P4HA1: variants seen among roughly 807,000 people sequenced by gnomAD.
P4HA1 encodes prolyl 4-hydroxylase subunit alpha-1.
P4HA1 carries 24 observed loss-of-function variants against 72.8 expected under a neutral mutation model. That is an observed-to-expected ratio of 0.33 (90% CI 0.24 to 0.46). The LOEUF (loss-of-function observed/expected upper bound fraction) is 0.46, where lower values mean the gene tolerates loss of function less well. P4HA1 is among the 20% of genes least tolerant of loss of function. The pLI is 1.00. For synonymous variants in P4HA1, 201 were observed against 218.8 expected, an observed-to-expected ratio of 0.92 and a Z score of 0.72; for missense variants, 446 against 640.6, an observed-to-expected ratio of 0.70 and a Z score of 3.28.
chr10:73,023,402 T>C (rs1221621873), intron 10 of P4HA1, among the ~76,000 whole-genome samples: 1 of 152,124 alleles, frequency 6.6e-6, no homozygotes, highest in Non-Finnish European at 1.5e-5. Flanking sequence ...AACTAAGCTT[T>C]CTAAATAAAG....
intron 8 of P4HA1, among the ~76,000 whole-genome samples, chr10:73,046,257 T>C (rs1466224515): frequency 6.6e-6 from 1 of 152,158 alleles, no homozygotes; most frequent in African/African-American, 2.4e-5. Flanking sequence ...ATGAAAGTGA[T>C]GGCAGCTTGT....
chr10:73,078,673 G>C (rs894929663), intron 1 of P4HA1, among the ~76,000 whole-genome samples: 1 of 138,448 alleles, frequency 7.2e-6, no homozygotes, highest in African/African-American at 2.8e-5. Flanking sequence ...GTGTAGTAGC[G>C]CAATCTCAGC....
At chr10:73,012,825 G>A (rs921216594) in intron 12 of P4HA1, among the ~76,000 whole-genome samples, 3 of 151,966 alleles carry the variant, frequency 2.0e-5, no homozygotes, top group South Asian at 4.1e-4. Context: ...ATGGAGCCAC[G>A]CTCCGTTATC....
rs76210425 is a variant in P4HA1 at position 73,088,191 on chromosome 10, C to G, written c.-33+8575G>C. ...TACAAACGTGTGCGACCAGACCCGG[C>G]CTACGAACCATTTTGAACTAATTTT... On this transcript the variant is annotated intron_variant, in intron 1 of 14. Transcript: ENST00000394890. 5.6e-3 allele frequency among the ~76,000 whole-genome samples: 851 copies of G among 152,280 alleles called. 4 individuals are homozygous for G. Among genetic ancestry groups the G allele is most frequent in the Non-Finnish European group, 8.2e-3 (555 of 68,026 alleles).
intron 7 of P4HA1, among the ~76,000 whole-genome samples, chr10:73,048,747 G>C (rs893303561): frequency 2.6e-5 from 4 of 152,082 alleles, no homozygotes; most frequent in African/African-American, 7.2e-5. Context: ...CAAAACTTGT[G>C]AATTTTTAGG....
chr10:73,037,560 TATA>T (rs1175730541), intron 9 of P4HA1, among the ~76,000 whole-genome samples: 54 of 36,460 alleles, frequency 1.5e-3, no homozygotes, highest in African/African-American at 3.2e-3. Flanking sequence ...TATATATATA[TATA>T]TATATATATT....
At chr10:73,088,424 C>T (rs1841965382) in intron 1 of P4HA1, among the ~76,000 whole-genome samples, 3 of 152,172 alleles carry the variant, frequency 2.0e-5, no homozygotes, top group African/African-American at 4.8e-5. Context: ...TATTCCCTCC[C>T]TTGGTACTGG....
intron 1 of P4HA1, among the ~76,000 whole-genome samples, chr10:73,085,142 TA>T (rs112144582): frequency 4.0e-4 from 59 of 149,214 alleles, no homozygotes; most frequent in South Asian, 8.5e-4. Context: ...CCATCTCATT[TA>T]AAAAAAAAAA....
In P4HA1 at chr10:73,068,903, G is replaced by C; in HGVS notation, c.406C>G (p.Arg136Gly). ...TCCAAATTGTAGGTATCCTGGAGAC[G>C]TAACAGAGCTTTGGCTGCCCCAACC... The part of the protein sequence containing the change: ...DQVGAAKALL[R>G]LQDTYNLDTD... Residue 136 changes from arginine (R) to glycine (G), a missense_variant, in exon 5 of 15, where the codon CGT becomes GGT. By Grantham distance (125) the Arg-to-Gly change is moderately radical. Coordinates refer to ENST00000394890, the MANE Select transcript of P4HA1 (RefSeq NM_001017962.3). The C allele has an allele frequency of 6.2e-7, 1 of 1,611,464 alleles. No individual in the cohort carries two copies. Among genetic ancestry groups the C allele is most frequent in the Non-Finnish European group, 8.5e-7 (1 of 1,177,732 alleles).
intron 1 of P4HA1, among the ~76,000 whole-genome samples, chr10:73,081,431 T>C (rs1283510603): frequency 6.6e-6 from 1 of 152,156 alleles, no homozygotes; most frequent in East Asian, 1.9e-4. Context: ...ACTTATAATG[T>C]TTGGTAGCAT....
intron 1 of P4HA1, among the ~76,000 whole-genome samples, chr10:73,075,425 T>C (rs1486883494): frequency 6.6e-6 from 1 of 152,074 alleles, no homozygotes; most frequent in Non-Finnish European, 1.5e-5. Context: ...AAAATGTATG[T>C]TTGTTATCAC....
rs1839830504 is a variant in P4HA1, at chr10:73,007,992, C to T, written c.*230G>A. On this transcript the variant is annotated 3_prime_UTR_variant, in exon 15 of 15. Transcript: ENST00000394890. The stretch of plus-strand genomic sequence containing the variant: ...CTCACTTTAAACTCTGCCTTGTCTT[C>T]TGTGATACCAACAGAACTTTAAGGT... 1 of 268,220 alleles carries T rather than the reference C, an allele frequency of 3.7e-6. No homozygotes were observed. Among genetic ancestry groups the T allele is most frequent in the African/African-American group, 7.7e-5 (1 of 13,038 alleles). 16.6% of individuals were successfully genotyped at this position (268,220 alleles called of 1,614,324 possible). A position where few individuals can be genotyped will look rare whatever the true frequency, so the allele number is the denominator to read the frequency against.
At chr10:73,084,889 C>T (rs1412439193) in intron 1 of P4HA1, among the ~76,000 whole-genome samples, 1 of 152,130 alleles carries the variant, frequency 6.6e-6, no homozygotes, top group African/African-American at 2.4e-5. Context: ...GGTGCAATCC[C>T]AGCACTTTGG....
At chr10:73,033,604 A>C (rs1049483834) in intron 9 of P4HA1, among the ~76,000 whole-genome samples, 3 of 152,070 alleles carry the variant, frequency 2.0e-5, no homozygotes, top group Non-Finnish European at 4.4e-5. Flanking sequence ...CTTTCACTTT[A>C]CTCCTTTAAA....
intron 6 of P4HA1, among the ~76,000 whole-genome samples, chr10:73,052,805 G>C (rs1298224627): frequency 6.6e-6 from 1 of 152,152 alleles, no homozygotes; most frequent in Non-Finnish European, 1.5e-5. Flanking sequence ...CAATTTAGCA[G>C]ATCTAGGGTA....
At chr10:73,092,537 G>A (rs1036750457) in intron 1 of P4HA1, among the ~76,000 whole-genome samples, 6 of 145,372 alleles carry the variant, frequency 4.1e-5, no homozygotes, top group African/African-American at 1.5e-4. Flanking sequence ...AATTTTTTTT[G>A]TAGAGAGATG....
rs1174237596 is a variant in P4HA1 at position 73,090,937 on chromosome 10, C to G, written c.-33+5829G>C. Among the ~76,000 whole-genome samples, 4 of 151,332 alleles carry G rather than the reference C, an allele frequency of 2.6e-5. No homozygotes were observed. In the East Asian group the frequency reaches 7.7e-4, roughly 29 times the overall value. On this transcript the variant is annotated intron_variant, in intron 1 of 14. Transcript: ENST00000394890. ...AGTAGTCGGGCGTGGTGGCGGGTGC[C>G]TGTAATCCCAGCTACTCGGGAGGCT...
At chr10:73,075,992 G>A (rs892536983) in intron 1 of P4HA1, among the ~76,000 whole-genome samples, 1 of 152,074 alleles carries the variant, frequency 6.6e-6, no homozygotes, top group Non-Finnish European at 1.5e-5. Context: ...TGGAGTCCCA[G>A]CTACTTGGGA....
intron 1 of P4HA1, among the ~76,000 whole-genome samples, chr10:73,095,688 T>C (rs1276262898): frequency 6.6e-6 from 1 of 152,112 alleles, no homozygotes; most frequent in African/African-American, 2.4e-5. Context: ...TAAGTGGAAA[T>C]TGGCAAGTCT....
Sources: gnomAD v4.1 joint callset for allele counts (sites outside exome capture counted in the v4.1 genomes callset) on GRCh38, gnomAD v4.1.1 for gene constraint, MANE v1.5 for transcripts, NCBI Gene and HGNC (gene_info 2026-07-23, HGNC 2026-07-21) for gene names.